TTC7A: variants seen among roughly 807,000 people sequenced by gnomAD.
TTC7A encodes the protein tetratricopeptide repeat domain 7A, also known as tetratricopeptide repeat protein 7A.
Under a neutral mutation model 103.7 loss-of-function variants are expected in TTC7A, and 110 were observed. The ratio of observed to expected loss-of-function variants is 1.06; its 90% CI spans 0.91 to 1.24. The LOEUF is 1.24. Among genes scored for constraint, TTC7A ranks in the 50% most tolerant of loss-of-function variants. TTC7A has a pLI of 0.00. For missense variants in TTC7A, 1,340 were observed against 1,116.3 expected, an observed-to-expected ratio of 1.20 and a Z score of -2.86; for synonymous variants, 521 against 467.9, an observed-to-expected ratio of 1.11 and a Z score of -1.47.
intron 19 of TTC7A, among the ~76,000 whole-genome samples, chr2:47,062,337 C>G (rs913416156): frequency 2.0e-5 from 3 of 152,228 alleles, no homozygotes; most frequent in African/African-American, 7.2e-5. Flanking sequence ...CTATAGATTT[C>G]TAACTTAGGT....
At chr2:47,050,078 A>C (rs556463761) in intron 17 of TTC7A, 32 bp downstream of exon 17, 20 of 1,529,060 alleles carry the variant, frequency 1.3e-5, no homozygotes, top group Non-Finnish European at 1.7e-5. Flanking sequence ...CACTGTGTGC[A>C]TGGACCCACA....
At chr2:46,994,027 C>T (rs1372972869) in intron 6 of TTC7A, among the ~76,000 whole-genome samples, 1 of 152,148 alleles carries the variant, frequency 6.6e-6, no homozygotes, top group East Asian at 1.9e-4. Flanking sequence ...TTATGCTCTT[C>T]CCAATACTGC....
At chr2:46,980,378 C>G (rs568663218) in intron 5 of TTC7A, among the ~76,000 whole-genome samples, 1 of 152,038 alleles carries the variant, frequency 6.6e-6, no homozygotes, top group Non-Finnish European at 1.5e-5. Flanking sequence ...CACCATCACA[C>G]CTGGCTAATT....
intron 3 of TTC7A, among the ~76,000 whole-genome samples, chr2:46,969,217 A>AG (rs1673134786): frequency 6.6e-6 from 1 of 151,046 alleles, no homozygotes; most frequent in Non-Finnish European, 1.5e-5. Context: ...TAAAAAAAAA[A>AG]TCTGGGCCGG....
intron 8 of TTC7A, among the ~76,000 whole-genome samples, chr2:47,002,329 A>G (rs77716052): frequency 1.1e-3 from 164 of 152,310 alleles, no homozygotes; most frequent in Non-Finnish European, 1.9e-3. Context: ...ACCAGAGGAG[A>G]ACATTCTGCC....
At chr2:47,040,188 G>T (rs1681579864) in intron 15 of TTC7A, among the ~76,000 whole-genome samples, 1 of 152,202 alleles carries the variant, frequency 6.6e-6, no homozygotes, top group Non-Finnish European at 1.5e-5. Context: ...GTCTGCACTG[G>T]GCTCCCCGCC....
chr2:46,946,607 C>T (rs562940138), intron 1 of TTC7A, among the ~76,000 whole-genome samples: 10 of 151,944 alleles, frequency 6.6e-5, no homozygotes, highest in Admixed American at 2.0e-4. Flanking sequence ...TTGTGTGTAG[C>T]GACAGAGTCT....
At position 47,030,896 on chromosome 2, in the gene TTC7A, A is replaced by G. The variant is rs964927806; in HGVS notation, c.1802+1512A>G. Reference sequence around the variant, plus strand: ...CGCAGTGGCTCATGCCTATAATCCCAGCACTTTGGGAGGCCGAGGCGGGTG... The same window carrying G: ...CGCAGTGGCTCATGCCTATAATCCCGGCACTTTGGGAGGCCGAGGCGGGTG... On this transcript the variant is annotated intron_variant, in intron 15 of 19. Transcript: ENST00000319190. Among the ~76,000 whole-genome samples the G allele has an allele frequency of 2.0e-5, 3 of 152,250 alleles. No individual in the cohort carries two copies. The South Asian group carries it at 6.2e-4, about 31-fold the overall frequency.
intron 2 of TTC7A, among the ~76,000 whole-genome samples, chr2:46,919,949 T>C (rs1228208715): frequency 6.6e-6 from 1 of 152,246 alleles, no homozygotes; most frequent in Non-Finnish European, 1.5e-5. Context: ...CTCTCCCTTA[T>C]TCATATTTCT....
Position 47,029,267 on chromosome 2 carries a change from G to A in TTC7A, c.1685G>A (p.Arg562His), listed in dbSNP as rs1222833107. 1.4e-5 allele frequency: 22 copies of A among 1,613,874 alleles called. No individual in the cohort carries two copies. In the East Asian group the frequency reaches 2.0e-4, roughly 15 times the overall value. ...MEQLQEALKV[R>H]KDDAHALHLL... ...CAGCTGCAGGAGGCCCTGAAGGTAC[G>A]CAAGGATGATGCCCACGCCCTCCAC... is the stretch of plus-strand genomic sequence containing the variant. The change falls in exon 15 of 20, where the codon CGC becomes CAC. Residue 562 changes from arginine to histidine, a missense_variant. Coordinates refer to ENST00000319190, the MANE Select transcript of TTC7A (RefSeq NM_020458.4).
In TTC7A at chr2:46,956,554, G is replaced by A. The variant is rs1239620568; in HGVS notation, c.349-285G>A. ...GGGGATTCAGGAGAGGGAAGACAGG[G>A]CCTAGTCTGCAAGGTCTCTGGAGTC... On this transcript the variant is annotated intron_variant, in intron 2 of 19. Transcript: ENST00000319190. 4 of 391,056 alleles carry A rather than the reference G, an allele frequency of 1.0e-5. 1 individual carries two copies. The highest frequency in any genetic ancestry group is 7.6e-5 in the South Asian group (2 of 26,352). 24.2% of individuals were successfully genotyped at this position (391,056 alleles called of 1,614,324 possible).
intron 4 of TTC7A, 25 bp from the exon 5 acceptor site, chr2:46,978,767 G>GCC: frequency 1.3e-6 from 2 of 1,594,748 alleles, no homozygotes; most frequent in Non-Finnish European, 1.7e-6. Flanking sequence ...TGAGACAATG[G>GCC]CTCTCTCTCT....
At position 46,956,963 on chromosome 2, in the gene TTC7A, C is replaced by G; in HGVS notation, c.473C>G (p.Pro158Arg). The G allele has an allele frequency of 1.9e-6, 3 of 1,614,126 alleles. No homozygotes were observed. Among genetic ancestry groups the G allele is most frequent in the Non-Finnish European group, 2.5e-6 (3 of 1,180,020 alleles). The change falls in exon 3 of 20, where the codon CCC becomes CGC. Residue 158 changes from proline to arginine, a missense_variant. Transcript: ENST00000319190. ...GATGACATGTCCATGGAGAACAAGC[C>G]CCTGTATCAGATGCGGCTGCTGTCG... ...GIDDMSMENK[P>R]LYQMRLLSEA...
intron 11 of TTC7A, among the ~76,000 whole-genome samples, chr2:47,016,974 G>A (rs954971738): frequency 6.6e-6 from 1 of 151,996 alleles, no homozygotes; most frequent in Admixed American, 6.6e-5. Context: ...CGAGGTGGGT[G>A]GATCACCCGA....
intron 13 of TTC7A, among the ~76,000 whole-genome samples, 156 bp downstream of exon 13, chr2:47,023,621 T>C (rs1214282507): frequency 6.6e-6 from 1 of 152,076 alleles, no homozygotes. Flanking sequence ...GGATAGGCGT[T>C]GGGGATTGGG....
intron 15 of TTC7A, among the ~76,000 whole-genome samples, chr2:47,036,261 G>T (rs1457619386): frequency 1.3e-5 from 2 of 152,150 alleles, no homozygotes; most frequent in Non-Finnish European, 2.9e-5. Context: ...ACCAGGTCAG[G>T]GACAGTCTTT....
At chr2:46,948,975 A>G (rs1481691906) in intron 1 of TTC7A, among the ~76,000 whole-genome samples, 3 of 152,178 alleles carry the variant, frequency 2.0e-5, no homozygotes, top group Non-Finnish European at 4.4e-5. Flanking sequence ...GGTAGTTGAG[A>G]GGATCCAATT....
At chr2:47,070,001 G>C (rs2103625312) in intron 19 of TTC7A, among the ~76,000 whole-genome samples, 1 of 152,342 alleles carries the variant, frequency 6.6e-6, no homozygotes, top group African/African-American at 2.4e-5. Flanking sequence ...GGCAGGGGTG[G>C]GGAGGGAGGG....
intron 2 of TTC7A, among the ~76,000 whole-genome samples, chr2:46,955,882 G>A (rs1196553825): frequency 4.6e-5 from 7 of 152,232 alleles, no homozygotes; most frequent in Admixed American, 1.3e-4. Context: ...CCTGTGTGGC[G>A]GGAGCAGTGC....
Sources: gnomAD v4.1 joint callset for allele counts (sites outside exome capture counted in the v4.1 genomes callset) on GRCh38, gnomAD v4.1.1 for gene constraint, MANE v1.5 for transcripts, NCBI Gene and HGNC (gene_info 2026-07-23, HGNC 2026-07-21) for gene names.